ANKRD34C: variants seen among roughly 807,000 people sequenced by gnomAD.
ANKRD34C encodes the protein ankyrin repeat domain-containing protein 34C.
For missense variants in ANKRD34C, 563 were observed against 653.0 expected (o/e 0.86, Z 1.50); for synonymous variants, 260 against 253.6 (o/e 1.03, Z -0.24).
At chr15:79,291,267 A>G (rs1408910453) in intron 1 of ANKRD34C, among the ~76,000 whole-genome samples, 1 of 152,198 alleles carries the variant, frequency 6.6e-6, no homozygotes, top group Non-Finnish European at 1.5e-5. Context: ...TGCATTTGAG[A>G]AATGAGATTT....
In ANKRD34C at chr15:79,294,166, G is replaced by T. The variant is rs1326325159; in HGVS notation, c.882G>T (p.Gly294=). 2.6e-6 allele frequency: 4 copies of T among 1,551,408 alleles called. No individual in the cohort carries two copies. The African/African-American group carries it at 5.5e-5, about 21-fold the overall frequency. Residue 294 remains glycine, a synonymous_variant, in exon 2 of 2, where the codon GGG becomes GGT. Coordinates refer to ENST00000421388, the MANE Select transcript of ANKRD34C (RefSeq NM_001146341.2). ...SISDISFPKR[G]PLSRTNSIDS... is the part of the protein sequence containing the mutation. The stretch of plus-strand genomic sequence containing the variant: ...GTGATATATCCTTCCCTAAAAGGGG[G>T]CCCCTCTCCAGAACCAACAGTATCG...
In ANKRD34C at chr15:79,294,715, T is replaced by C. The variant is rs1408419319; in HGVS notation, c.1431T>C (p.Ile477=). 3 of 1,551,762 alleles carry C rather than the reference T, an allele frequency of 1.9e-6. No individual in the cohort carries two copies. The South Asian group carries it at 3.6e-5, about 18-fold the overall frequency. Residue 477 remains isoleucine (I), a synonymous_variant, in exon 2 of 2, where the codon ATT becomes ATC. Coordinates refer to ENST00000421388, the MANE Select transcript of ANKRD34C (RefSeq NM_001146341.2). The part of the protein sequence containing the change: ...NVNLNPPIPD[I]RSSSKPSCSL... Reference sequence around the variant, plus strand: ...ATCTGAACCCGCCTATTCCAGATATTAGATCTAGCAGCAAACCTTCTTGCT... The same window carrying C: ...ATCTGAACCCGCCTATTCCAGATATCAGATCTAGCAGCAAACCTTCTTGCT...
chr15:79,294,606 T>G lies in ANKRD34C; in HGVS notation c.1322T>G (p.Leu441Arg). The change falls in exon 2 of 2, where the codon CTT becomes CGT. Residue 441 changes from leucine to arginine, a missense_variant. By Grantham distance (102) the Leu-to-Arg change is moderately radical. Coordinates refer to ENST00000421388, the MANE Select transcript of ANKRD34C (RefSeq NM_001146341.2). ...TCAGCACGCCGCAGGCCGCCACATC[T>G]TCTAGAACGACGAGGTTCTGGAACT... ...PSSARRRPPH[L>R]LERRGSGTLL... 1.3e-6 allele frequency: 2 copies of G among 1,551,728 alleles called. No individual in the cohort carries two copies.
Position 79,294,797 on chromosome 15 carries a change from G to C in ANKRD34C, c.1513G>C (p.Val505Leu). ...VPVAPSSPKR[V>L]DLRSKKKLLR... ...TGTTGCTCCAAGTTCACCAAAGAGA[G>C]TTGACTTAAGAAGTAAAAAGAAGCT... is the stretch of plus-strand genomic sequence containing the variant. The change falls in exon 2 of 2, where the codon GTT becomes CTT. Residue 505 changes from valine to leucine, a missense_variant. Transcript: ENST00000421388. 1 of 1,551,700 alleles carries C rather than the reference G, an allele frequency of 6.4e-7. No individual in the cohort carries two copies. The highest frequency in any genetic ancestry group is 8.7e-7 in the Non-Finnish European group (1 of 1,146,998).
rs1356004657 is a variant in ANKRD34C at position 79,296,526 on chromosome 15, T to A, written c.*1634T>A. ...TCTCTATGAGATCCCCAGTTATTTT[T>A]ATAAGTACCGATCTCTAAACTCATG... is the stretch of plus-strand genomic sequence containing the variant. On this transcript the variant is annotated 3_prime_UTR_variant, in exon 2 of 2. Transcript: ENST00000421388. 6.0e-6 allele frequency: 1 copy of A among 167,096 alleles called. No homozygotes were observed. Among genetic ancestry groups the A allele is most frequent in the Non-Finnish European group, 1.5e-5 (1 of 68,114 alleles). 10.4% of individuals were successfully genotyped at this position (167,096 alleles called of 1,614,324 possible).
Position 79,298,151 on chromosome 15 carries a change from T to C in ANKRD34C, c.*3259T>C, listed in dbSNP as rs190228107. On this transcript the variant is annotated 3_prime_UTR_variant, in exon 2 of 2. Transcript: ENST00000421388. ...GTGTTCCTTCCTAGTCTCAAGCTGA[T>C]GATGTGCTCAAAGATGTATCAAAAT... The C allele has an allele frequency of 1.1e-4, 18 of 167,190 alleles. No homozygotes were observed. The highest frequency in any genetic ancestry group is 9.8e-4 in the Admixed American group (15 of 15,294). The allele number at this position is 167,190 out of a possible 1,614,324, so 10.4% of individuals were successfully genotyped here. A position where few individuals can be genotyped will look rare whatever the true frequency, so the allele number is the denominator to read the frequency against.
At chr15:79,289,702 C>T (rs1283187201) in intron 1 of ANKRD34C, among the ~76,000 whole-genome samples, 1 of 152,176 alleles carries the variant, frequency 6.6e-6, no homozygotes, top group Non-Finnish European at 1.5e-5. Flanking sequence ...TTTCTCTTTC[C>T]TCCATCTTTT....
chr15:79,282,803 C>T lies in ANKRD34C; in HGVS notation c.-470C>T, dbSNP rs1225973025. On this transcript the variant is annotated 5_prime_UTR_variant, in exon 1 of 2. Transcript: ENST00000421388. ...CGCGTCGTCAGCCAGCACAGCCGGC[C>T]GAAGACCAAGCCGGAGGTCTGGGGC... is the stretch of plus-strand genomic sequence containing the variant. Among the ~76,000 whole-genome samples the T allele has an allele frequency of 6.6e-6, 1 of 152,266 alleles. No individual in the cohort carries two copies. Among genetic ancestry groups the T allele is most frequent in the African/African-American group, 2.4e-5 (1 of 41,470 alleles).
chr15:79,286,237 G>C (rs12916215), intron 1 of ANKRD34C, among the ~76,000 whole-genome samples: 1 of 150,040 alleles, frequency 6.7e-6, no homozygotes, highest in Non-Finnish European at 1.5e-5. Context: ...GAGTGGGGGT[G>C]GGGGGTTGGC....
rs1172184776 is a variant in ANKRD34C at position 79,297,143 on chromosome 15, T to C, written c.*2251T>C. ...CCCTGTTCTTTTCAGAACTATTTAA[T>C]CATTAATAGTTCTTACCAAGTAGAA... is the stretch of plus-strand genomic sequence containing the variant. On this transcript the variant is annotated 3_prime_UTR_variant, in exon 2 of 2. Transcript: ENST00000421388. 1 of 166,862 alleles carries C rather than the reference T, an allele frequency of 6.0e-6. No homozygotes were observed. The highest frequency in any genetic ancestry group is 1.9e-4 in the East Asian group (1 of 5,192). The allele number at this position is 166,862 out of a possible 1,614,324, so 10.3% of individuals were successfully genotyped here.
chr15:79,293,221 C>T lies in ANKRD34C; in HGVS notation c.-44-20C>T. Reference sequence around the variant, plus strand: ...TGTTATAAAACATATAACATTTGTTCCCTCTTCTTCCTTTGCTAGGTTTGA... The same window carrying T: ...TGTTATAAAACATATAACATTTGTTTCCTCTTCTTCCTTTGCTAGGTTTGA... On this transcript the variant is annotated intron_variant, in intron 1 of 1. Transcript: ENST00000421388. 1.4e-6 allele frequency: 2 copies of T among 1,411,350 alleles called. No homozygotes were observed. Among genetic ancestry groups the T allele is most frequent in the South Asian group, 1.5e-5 (1 of 67,158 alleles). The allele number at this position is 1,411,350 out of a possible 1,614,324, so 87.4% of individuals were successfully genotyped here.
chr15:79,291,289 G>A (rs186247390), intron 1 of ANKRD34C, among the ~76,000 whole-genome samples: 2 of 152,300 alleles, frequency 1.3e-5, no homozygotes, highest in African/African-American at 2.4e-5. Flanking sequence ...AAGATAGAAT[G>A]TGAAGAAGAC....
Position 79,294,807 on chromosome 15 carries a change from G to C in ANKRD34C, c.1523G>C (p.Arg508Thr). Reference sequence around the variant, plus strand: ...AGTTCACCAAAGAGAGTTGACTTAAGAAGTAAAAAGAAGCTCCTCAGAAGG... The same window carrying C: ...AGTTCACCAAAGAGAGTTGACTTAACAAGTAAAAAGAAGCTCCTCAGAAGG... The part of the protein sequence containing the change: ...APSSPKRVDL[R>T]SKKKLLRRHS... The change falls in exon 2 of 2, where the codon AGA becomes ACA. Residue 508 changes from arginine (R) to threonine (T), a missense_variant. By Grantham distance (71) the Arg-to-Thr change is moderately conservative (BLOSUM62 -1). Coordinates refer to ENST00000421388, the MANE Select transcript of ANKRD34C (RefSeq NM_001146341.2). 6.4e-7 allele frequency: 1 copy of C among 1,551,560 alleles called. No individual in the cohort carries two copies. The highest frequency in any genetic ancestry group is 1.2e-5 in the South Asian group (1 of 84,040).
At chr15:79,286,467 G>A (rs552900287) in intron 1 of ANKRD34C, among the ~76,000 whole-genome samples, 57 of 152,266 alleles carry the variant, frequency 3.7e-4, no homozygotes, top group African/African-American at 1.3e-3. Context: ...TCTCCAACGA[G>A]CTTAGAGATC....
At chr15:79,289,813 T>C (rs759775531) in intron 1 of ANKRD34C, among the ~76,000 whole-genome samples, 31 of 152,244 alleles carry the variant, frequency 2.0e-4, no homozygotes, top group Admixed American at 1.3e-4. Flanking sequence ...CTGACCCAGG[T>C]GATTAACGAG....
rs572911863 is a variant in ANKRD34C, at chr15:79,287,528, T to C, written c.-45+4300T>C. On this transcript the variant is annotated intron_variant, in intron 1 of 1. Transcript: ENST00000421388. ...CACCTAGCCTGGAGTAGATAATCAA[T>C]ATATGTTTGATCATGAATGAATGAG... Among the ~76,000 whole-genome samples, 27 of 152,330 alleles carry C rather than the reference T, an allele frequency of 1.8e-4. No individual in the cohort carries two copies. The East Asian group carries it at 4.4e-3, about 25-fold the overall frequency.
At chr15:79,286,942 G>A (rs1440939185) in intron 1 of ANKRD34C, among the ~76,000 whole-genome samples, 2 of 152,144 alleles carry the variant, frequency 1.3e-5, no homozygotes, top group Non-Finnish European at 2.9e-5. Flanking sequence ...TCCATGTTCT[G>A]CTACCTTTTG....
intron 1 of ANKRD34C, chr15:79,283,795 G>A (rs2058635911): frequency 6.6e-6 from 1 of 152,232 alleles, no homozygotes. Context: ...GCCGCCCGAG[G>A]CGCACAGTGA....
chr15:79,289,480 G>A (rs187711239), intron 1 of ANKRD34C, among the ~76,000 whole-genome samples: 19 of 152,296 alleles, frequency 1.2e-4, no homozygotes, highest in African/African-American at 4.6e-4. Flanking sequence ...AGGGGAGGAG[G>A]AGGCCGCTGA....
Sources: allele counts gnomAD v4.1 joint callset (sites outside exome capture counted in the v4.1 genomes callset), GRCh38; gene constraint gnomAD v4.1.1; transcripts MANE v1.5; gene names NCBI Gene and HGNC (gene_info 2026-07-23, HGNC 2026-07-21).